The following ARSB variants were observed in gnomAD, a reference collection of about 807,000 sequenced individuals.
ARSB encodes the protein arylsulfatase B.
ARSB carries 41 observed loss-of-function variants against 50.9 expected under a neutral mutation model. That is an observed-to-expected ratio of 0.81 (90% CI 0.63 to 1.04). The LOEUF (loss-of-function observed/expected upper bound fraction) is 1.04, where lower values mean the gene tolerates loss of function less well. Among genes scored for constraint, ARSB ranks in the 50% least tolerant of loss-of-function variants. The pLI, the probability that ARSB is intolerant of heterozygous loss-of-function variation, is 0.00. For synonymous variants in ARSB, 269 were observed against 284.8 expected (o/e 0.94, Z 0.56); for missense variants, 672 against 693.3 (o/e 0.97, Z 0.35).
At chr5:78,787,422 C>A (rs1249255936) in intron 6 of ARSB, among the ~76,000 whole-genome samples, 1 of 152,136 alleles carries the variant, frequency 6.6e-6, no homozygotes, top group Non-Finnish European at 1.5e-5. Flanking sequence ...TGTCAGGACC[C>A]AAGACAGGAG....
At chr5:78,899,854 G>C (rs1315231233) in intron 4 of ARSB, among the ~76,000 whole-genome samples, 1 of 152,110 alleles carries the variant, frequency 6.6e-6, no homozygotes, top group Non-Finnish European at 1.5e-5. Context: ...GGAGACTGTG[G>C]TTCCCTGTTT....
At chr5:78,924,979 T>C (rs1337927327) in intron 4 of ARSB, among the ~76,000 whole-genome samples, 1 of 152,156 alleles carries the variant, frequency 6.6e-6, no homozygotes, top group Non-Finnish European at 1.5e-5. Flanking sequence ...TTCTCAAAGT[T>C]CCATATGTTT....
chr5:78,817,258 C>T (rs569652875), intron 6 of ARSB: 13 of 300,158 alleles, frequency 4.3e-5, no homozygotes, highest in Non-Finnish European at 6.4e-5. Context: ...GCTTCCCTCC[C>T]CAAACCCACA....
intron 6 of ARSB, among the ~76,000 whole-genome samples, chr5:78,826,582 C>A (rs34764801): frequency 6.6e-6 from 1 of 152,134 alleles, no homozygotes; most frequent in African/African-American, 2.4e-5. Flanking sequence ...GAACACAGTG[C>A]ACTGTCAACA....
intron 4 of ARSB, among the ~76,000 whole-genome samples, chr5:78,889,069 TATC>T (rs377363333): frequency 8.3e-4 from 126 of 152,340 alleles, no homozygotes; most frequent in African/African-American, 2.6e-3. Flanking sequence ...GGTTGCCACT[TATC>T]AGCAATGGGG....
At chr5:78,918,776 C>G (rs1749675485) in intron 4 of ARSB, among the ~76,000 whole-genome samples, 1 of 152,134 alleles carries the variant, frequency 6.6e-6, no homozygotes, top group East Asian at 1.9e-4. Context: ...AGCTAATTAG[C>G]AAGAACATTT....
intron 4 of ARSB, among the ~76,000 whole-genome samples, chr5:78,911,545 G>A (rs981915062): frequency 8.1e-6 from 1 of 123,856 alleles, no homozygotes; most frequent in African/African-American, 3.3e-5. Flanking sequence ...CTGCACTCCA[G>A]CCTGGGGAAC....
At chr5:78,847,912 C>T (rs3098688) in intron 5 of ARSB, among the ~76,000 whole-genome samples, 7,680 of 152,046 alleles carry the variant, frequency 0.051, 444 homozygotes, top group African/African-American at 0.14. Context: ...TGCAATGTCT[C>T]CTTTTTTGTT....
At position 78,969,113 on chromosome 5, in the gene ARSB, T is replaced by A. The variant is rs544246762; in HGVS notation, c.392A>T (p.Gln131Leu). The change falls in exon 2 of 8, where the codon CAG (glutamine) becomes CTG (leucine). Residue 131 changes from glutamine (Q) to leucine (L), a missense_variant. By Grantham distance (113) the Gln-to-Leu change is moderately radical. Coordinates refer to ENST00000264914, the MANE Select transcript of ARSB (RefSeq NM_000046.5). ...CVPLDEKLLPQLLKEAGYTTH... is the reference protein window; with the variant it reads ...CVPLDEKLLPLLLKEAGYTTH... ...AGTATAACCTGCTTCTTTTAGGAGC[T>A]GGGGCAGGAGTTTTTCATCCAGAGG... The A allele has an allele frequency of 3.1e-6, 5 of 1,614,190 alleles. No individual in the cohort carries two copies. In the South Asian group the frequency reaches 4.4e-5, roughly 14 times the overall value.
chr5:78,817,031 G>C, intron 6 of ARSB: 1 of 956,854 alleles, frequency 1.0e-6, no homozygotes, highest in Non-Finnish European at 1.2e-6. Context: ...TAAATTTGTG[G>C]TAATTTGCTA....
chr5:78,841,162 C>CTAATAATAATAA (rs1427792909), intron 5 of ARSB, among the ~76,000 whole-genome samples: 12 of 97,678 alleles, frequency 1.2e-4, no homozygotes, highest in Admixed American at 2.3e-4. Context: ...ACTACTACTA[C>CTAATAATAATAA]TACTACTAAT....
chr5:78,855,035 T>C (rs987330564), intron 5 of ARSB, among the ~76,000 whole-genome samples: 1 of 152,120 alleles, frequency 6.6e-6, no homozygotes, highest in Non-Finnish European at 1.5e-5. Flanking sequence ...GTCAAGGGTA[T>C]CTCAGCAGCT....
chr5:78,950,186 T>C (rs1751438096), intron 4 of ARSB, among the ~76,000 whole-genome samples: 1 of 152,194 alleles, frequency 6.6e-6, no homozygotes, highest in Admixed American at 6.5e-5. Context: ...GTGCTGCTTC[T>C]CTGGACCACT....
At chr5:78,856,363 T>C (rs1487745915) in intron 5 of ARSB, among the ~76,000 whole-genome samples, 1 of 152,218 alleles carries the variant, frequency 6.6e-6, no homozygotes, top group Admixed American at 6.5e-5. Context: ...CCATATATAA[T>C]GATAATGGCT....
intron 5 of ARSB, among the ~76,000 whole-genome samples, chr5:78,863,186 GA>G (rs1465389965): frequency 2.4e-4 from 36 of 152,218 alleles, no homozygotes; most frequent in Non-Finnish European, 4.7e-4. Flanking sequence ...AACCATTGTG[GA>G]AGACAGTGTG....
chr5:78,922,462 C>T (rs1033948411), intron 4 of ARSB, among the ~76,000 whole-genome samples: 1 of 151,954 alleles, frequency 6.6e-6, no homozygotes, highest in Non-Finnish European at 1.5e-5. Context: ...AGGGAGCCCA[C>T]TACCTTGAAG....
chr5:78,812,947 C>T (rs1330003078), intron 6 of ARSB, among the ~76,000 whole-genome samples: 1 of 152,172 alleles, frequency 6.6e-6, no homozygotes, highest in African/African-American at 2.4e-5. Flanking sequence ...GCCGTGCTCA[C>T]ACCACTACGC....
intron 6 of ARSB, among the ~76,000 whole-genome samples, chr5:78,786,294 C>T (rs1749079341): frequency 6.6e-6 from 1 of 152,212 alleles, no homozygotes; most frequent in South Asian, 2.1e-4. Flanking sequence ...ATAATGTTCT[C>T]AAGGTTCATT....
In ARSB at chr5:78,777,444, T is replaced by C. The variant is rs1425197634; in HGVS notation, c.*2953A>G. Reference sequence around the variant, plus strand: ...CTCCTCACCCCAAATGGAAGCCCCATACATATGGCTGACACATTTTAAAAG... The same window carrying C: ...CTCCTCACCCCAAATGGAAGCCCCACACATATGGCTGACACATTTTAAAAG... On this transcript the variant is annotated 3_prime_UTR_variant, in exon 8 of 8. Coordinates refer to ENST00000264914, the MANE Select transcript of ARSB (RefSeq NM_000046.5). 1 of 152,554 alleles carries C rather than the reference T, an allele frequency of 6.6e-6. No homozygotes were observed. Among genetic ancestry groups the C allele is most frequent in the Non-Finnish European group, 1.5e-5 (1 of 68,026 alleles). 9.5% of individuals were successfully genotyped at this position (152,554 alleles called of 1,614,324 possible). A position where few individuals can be genotyped will look rare whatever the true frequency, so the allele number is the denominator to read the frequency against.
Sources: allele counts gnomAD v4.1 joint callset (sites outside exome capture counted in the v4.1 genomes callset), GRCh38; gene constraint gnomAD v4.1.1; transcripts MANE v1.5; gene names NCBI Gene and HGNC (gene_info 2026-07-23, HGNC 2026-07-21).